The following SLC13A5 variants were observed in gnomAD, a reference collection of about 807,000 sequenced individuals.
SLC13A5 encodes solute carrier family 13 member 5.
In SLC13A5, 25 loss-of-function variants were observed where a neutral mutation model predicts 56.5. That is an observed-to-expected ratio of 0.44 (90% CI 0.32 to 0.62). The LOEUF (loss-of-function observed/expected upper bound fraction) is 0.62. SLC13A5 is among the 20% of genes least tolerant of loss of function. SLC13A5 has a pLI of 0.04. For synonymous variants in SLC13A5, 307 were observed against 301.5 expected, an observed-to-expected ratio of 1.02 and a Z score of -0.19; for missense variants, 649 against 737.8, an observed-to-expected ratio of 0.88 and a Z score of 1.39.
At chr17:6,710,836 G>A (rs1974002586) in intron 1 of SLC13A5, among the ~76,000 whole-genome samples, 3 of 151,954 alleles carry the variant, frequency 2.0e-5, no homozygotes, top group Admixed American at 2.0e-4. Context: ...ATCAAAATGT[G>A]AATAACTTAT....
intron 3 of SLC13A5, chr17:6,704,507 C>T (rs1422558021): frequency 5.9e-6 from 2 of 339,790 alleles, no homozygotes; most frequent in Non-Finnish European, 1.2e-5. Flanking sequence ...CCCCCAAACT[C>T]TGTTGCACCT....
chr17:6,700,987 G>T lies in SLC13A5; in HGVS notation c.839+17C>A. On this transcript the variant is annotated intron_variant, in intron 6 of 11. Transcript: ENST00000433363. ...GCATAATTAGGCATAATTAGGCTGT[G>T]AGCAGCTCAAACTTACTTGAATCTC... 6.2e-7 allele frequency: 1 copy of T among 1,613,848 alleles called. No individual in the cohort carries two copies. The highest frequency in any genetic ancestry group is 1.3e-5 in the African/African-American group (1 of 75,028).
At chr17:6,712,765 G>A (rs1345296133) in intron 1 of SLC13A5, among the ~76,000 whole-genome samples, 3 of 152,216 alleles carry the variant, frequency 2.0e-5, no homozygotes, top group South Asian at 4.1e-4. Flanking sequence ...CCCTCCTGAC[G>A]GCAGAAGCCA....
rs1231952500 is a variant in SLC13A5, at chr17:6,685,336, T to C, written c.*871A>G. On this transcript the variant is annotated 3_prime_UTR_variant, in exon 12 of 12. Coordinates refer to ENST00000433363, the MANE Select transcript of SLC13A5 (RefSeq NM_177550.5). The surrounding 1 kb of genome is among the most constrained non-coding windows in gnomAD (Gnocchi z 4.2). The stretch of plus-strand genomic sequence containing the variant: ...TACTTGGAGTGTGATCCTAGCTATT[T>C]GGGGATGGCAGGGGAAGCATCTCCC... 1 of 152,152 alleles carries C rather than the reference T, an allele frequency of 6.6e-6. No individual in the cohort carries two copies. Among genetic ancestry groups the C allele is most frequent in the Non-Finnish European group, 1.5e-5 (1 of 68,036 alleles). 9.4% of individuals were successfully genotyped at this position (152,152 alleles called of 1,614,324 possible).
Position 6,685,534 on chromosome 17 carries a change from T to C in SLC13A5, c.*673A>G, listed in dbSNP as rs1973219816. On this transcript the variant is annotated 3_prime_UTR_variant, in exon 12 of 12. Coordinates refer to ENST00000433363, the MANE Select transcript of SLC13A5 (RefSeq NM_177550.5). The surrounding 1 kb of genome is among the most constrained non-coding windows in gnomAD (Gnocchi z 4.2). ...AGAACCAAGTGATGAAGGGCGTAGGTTGGCCTGTGGTGCACTGTGGGTGGC... is the reference window on the plus strand; with the variant it reads ...AGAACCAAGTGATGAAGGGCGTAGGCTGGCCTGTGGTGCACTGTGGGTGGC... The C allele has an allele frequency of 6.6e-6, 1 of 152,642 alleles. No individual in the cohort carries two copies. Among genetic ancestry groups the C allele is most frequent in the Admixed American group, 6.5e-5 (1 of 15,336 alleles). The allele number at this position is 152,642 out of a possible 1,614,324, so 9.5% of individuals were successfully genotyped here.
At chr17:6,707,349 G>A (rs1159881207) in intron 1 of SLC13A5, among the ~76,000 whole-genome samples, 193 bp from the exon 2 acceptor site, 4 of 152,144 alleles carry the variant, frequency 2.6e-5, no homozygotes, top group Non-Finnish European at 5.9e-5. Context: ...TATTCGCAAA[G>A]GACTCCTGCC....
At chr17:6,691,473 T>C (rs1234925755) in intron 9 of SLC13A5, among the ~76,000 whole-genome samples, 2 of 152,156 alleles carry the variant, frequency 1.3e-5, no homozygotes, top group Admixed American at 6.5e-5. Context: ...AAGGTTTAGA[T>C]TTAGGGCTTT....
rs1380580718 is a variant in SLC13A5, at chr17:6,686,257, CA to C, written c.1656del (p.Phe552LeufsTer12). On this transcript the variant is annotated frameshift_variant, in exon 12 of 12. Transcript: ENST00000433363. LOFTEE classifies it high-confidence loss of function. ...GCCCAGTCAGGGAAATGATCCAAGT[CA>C]AATATGGCCCGTCCCCAGGTGTTGA... is the stretch of plus-strand genomic sequence containing the variant. The part of the protein sequence containing the change: ...LAVNTWGRAI[F>X]DLDHFPDWAN... The C allele has an allele frequency of 6.2e-7, 1 of 1,614,164 alleles. No homozygotes were observed. Among genetic ancestry groups the C allele is most frequent in the East Asian group, 2.2e-5 (1 of 44,882 alleles).
chr17:6,686,854 T>C (rs912448178), intron 11 of SLC13A5: 1 of 155,262 alleles, frequency 6.4e-6, no homozygotes, highest in Admixed American at 6.3e-5. Flanking sequence ...GGGACCCACC[T>C]TTTTTTTTGA....
chr17:6,699,383 A>G (rs576725191), intron 6 of SLC13A5, among the ~76,000 whole-genome samples: 2 of 152,268 alleles, frequency 1.3e-5, no homozygotes, highest in South Asian at 2.1e-4. Context: ...TGCCCCGTCC[A>G]TGGGCAGGAC....
chr17:6,708,912 G>A (rs539042313), intron 1 of SLC13A5, among the ~76,000 whole-genome samples: 4 of 152,210 alleles, frequency 2.6e-5, no homozygotes, highest in Admixed American at 6.5e-5. Context: ...ATGTGGACAT[G>A]AGGGTAATGT....
chr17:6,704,193 T>A, intron 3 of SLC13A5, 137 bp from the exon 4 acceptor site: 1 of 934,642 alleles, frequency 1.1e-6, no homozygotes, highest in Non-Finnish European at 1.7e-6. Flanking sequence ...GATATTGGAA[T>A]AGGGATGACG....
intron 6 of SLC13A5, among the ~76,000 whole-genome samples, chr17:6,699,814 C>T (rs931843061): frequency 2.0e-5 from 3 of 152,196 alleles, no homozygotes; most frequent in Admixed American, 2.0e-4. Context: ...CCATGTTGGC[C>T]AGGCTGGTTA....
rs1318559097 is a variant in SLC13A5 at position 6,713,325 on chromosome 17, C to G, written c.9G>C (p.Ser3=). 8 of 1,613,670 alleles carry G rather than the reference C, an allele frequency of 5.0e-6. No homozygotes were observed. Among genetic ancestry groups the G allele is most frequent in the Non-Finnish European group, 5.1e-6 (6 of 1,179,794 alleles). Residue 3 remains serine (S), a synonymous_variant, in exon 1 of 12, where the codon TCG becomes TCC. Transcript: ENST00000433363. This position sits in a 1 kb window ranked among gnomAD's most constrained non-coding sequence, Gnocchi z 7.3. MA[S]ALSYVSKFKS... is the part of the protein sequence containing the mutation. ...TGAACTTGGAGACATAGCTCAGCGCCGAGGCCATCGCGCGGGAGGGAGACT... is the reference window on the plus strand; with the variant it reads ...TGAACTTGGAGACATAGCTCAGCGCGGAGGCCATCGCGCGGGAGGGAGACT...
chr17:6,686,260 A>T lies in SLC13A5; in HGVS notation c.1654T>A (p.Phe552Ile), dbSNP rs1453393447. ...CAGTCAGGGAAATGATCCAAGTCAA[A>T]TATGGCCCGTCCCCAGGTGTTGACA... ...LAVNTWGRAI[F>I]DLDHFPDWAN... The change falls in exon 12 of 12, where the codon TTT becomes ATT. Residue 552 changes from phenylalanine (F) to isoleucine (I), a missense_variant. By Grantham distance (21) the Phe-to-Ile change is conservative. Transcript: ENST00000433363. 1 of 1,614,144 alleles carries T rather than the reference A, an allele frequency of 6.2e-7. No individual in the cohort carries two copies. The highest frequency in any genetic ancestry group is 2.2e-5 in the East Asian group (1 of 44,876).
intron 6 of SLC13A5, among the ~76,000 whole-genome samples, chr17:6,700,326 A>G (rs1973676167): frequency 1.3e-5 from 2 of 152,210 alleles, no homozygotes; most frequent in African/African-American, 4.8e-5. Context: ...TAGGACCTGT[A>G]CACTGCTGGG....
chr17:6,713,193 C>T lies in SLC13A5; in HGVS notation c.102+39G>A, dbSNP rs767081308. ...TCGGTGCCCGTTAGTGGGCACAGGA[C>T]GCCGGGTGTCCGAAGGGCTGCCTGG... On this transcript the variant is annotated intron_variant, in intron 1 of 11. Coordinates refer to ENST00000433363, the MANE Select transcript of SLC13A5 (RefSeq NM_177550.5). The surrounding 1 kb of genome is among the most constrained non-coding windows in gnomAD (Gnocchi z 7.3). The T allele has an allele frequency of 6.3e-6, 10 of 1,597,510 alleles. No homozygotes were observed. The highest frequency in any genetic ancestry group is 2.2e-5 in the East Asian group (1 of 44,582).
chr17:6,692,928 G>T lies in SLC13A5; in HGVS notation c.1275+116C>A. On this transcript the variant is annotated intron_variant, in intron 9 of 11. Coordinates refer to ENST00000433363, the MANE Select transcript of SLC13A5 (RefSeq NM_177550.5). The surrounding 1 kb of genome is among the most constrained non-coding windows in gnomAD (Gnocchi z 5.5). ...GAGTCCATGTCCTCAAGGAATGTGC[G>T]GTTATACGAAGGATGCAGGCACAGA... The T allele has an allele frequency of 1.3e-6, 1 of 784,898 alleles. No homozygotes were observed. Among genetic ancestry groups the T allele is most frequent in the South Asian group, 1.4e-5 (1 of 70,678 alleles). 48.6% of individuals were successfully genotyped at this position (784,898 alleles called of 1,614,324 possible). A position where few individuals can be genotyped will look rare whatever the true frequency, so the allele number is the denominator to read the frequency against.
intron 4 of SLC13A5, among the ~76,000 whole-genome samples, chr17:6,703,453 G>A (rs1301159228): frequency 6.6e-6 from 1 of 152,202 alleles, no homozygotes; most frequent in Non-Finnish European, 1.5e-5. Flanking sequence ...TTCGCACCTA[G>A]CAGGGAAGCA....
Sources: allele counts gnomAD v4.1 joint callset (sites outside exome capture counted in the v4.1 genomes callset), GRCh38; gene constraint gnomAD v4.1.1; non-coding constraint Gnocchi (gnomAD v3.1); transcripts MANE v1.5; gene names NCBI Gene and HGNC (gene_info 2026-07-23, HGNC 2026-07-21).